The following HECW2 variants were observed in gnomAD, a reference collection of about 807,000 sequenced individuals.
HECW2 encodes the protein E3 ubiquitin-protein ligase HECW2.
Under a neutral mutation model 175.2 loss-of-function variants are expected in HECW2, and 61 were observed. The observed-to-expected ratio is 0.35, with a 90% CI of 0.28 to 0.43. The LOEUF (loss-of-function observed/expected upper bound fraction) is 0.43, where lower values mean the gene tolerates loss of function less well. Ranked by LOEUF, HECW2 falls within the 20% of genes least tolerant of loss-of-function variation. HECW2 has a pLI of 1.00. For missense variants in HECW2, 1,524 were observed against 2,000.5 expected, an observed-to-expected ratio of 0.76 and a Z score of 4.54; for synonymous variants, 671 against 731.0, an observed-to-expected ratio of 0.92 and a Z score of 1.32.
chr2:196,529,534 A>T (rs1688774879), intron 1 of HECW2, among the ~76,000 whole-genome samples: 1 of 152,200 alleles, frequency 6.6e-6, no homozygotes, highest in African/African-American at 2.4e-5. Context: ...ATAAGGATTT[A>T]AAAAATTAAC....
chr2:196,498,136 A>G (rs1232063910), intron 1 of HECW2, among the ~76,000 whole-genome samples: 1 of 152,140 alleles, frequency 6.6e-6, no homozygotes, highest in Non-Finnish European at 1.5e-5. Context: ...TACAGCACCA[A>G]CTAACCAGTA....
chr2:196,579,775 GAT>G (rs1690702814), intron 1 of HECW2, among the ~76,000 whole-genome samples: 1 of 152,088 alleles, frequency 6.6e-6, no homozygotes, highest in East Asian at 1.9e-4. Context: ...CTGACACACA[GAT>G]AGACACCAGG....
intron 17 of HECW2, among the ~76,000 whole-genome samples, chr2:196,265,811 C>T (rs13396680): frequency 0.22 from 34,143 of 152,012 alleles, 6,045 homozygotes; most frequent in African/African-American, 0.48. Flanking sequence ...ATTTTACAGA[C>T]GAGGATGACA....
At chr2:196,580,909 CTGAT>C (rs1690754610) in intron 1 of HECW2, among the ~76,000 whole-genome samples, 1 of 152,098 alleles carries the variant, frequency 6.6e-6, no homozygotes, top group Admixed American at 6.6e-5. Flanking sequence ...TGTCCATCAA[CTGAT>C]GGATGGATAA....
intron 1 of HECW2, among the ~76,000 whole-genome samples, chr2:196,542,796 TAC>T (rs1370611415): frequency 6.7e-6 from 1 of 150,274 alleles, no homozygotes; most frequent in Admixed American, 6.7e-5. Context: ...GATACATGGA[TAC>T]ACAGAGAAAG....
chr2:196,491,365 T>TAC (rs757194604), intron 1 of HECW2, among the ~76,000 whole-genome samples: 6,487 of 100,660 alleles, frequency 0.064, 178 homozygotes, highest in Middle Eastern at 0.089. Context: ...AAATCATATA[T>TAC]ATATACACAC....
intron 1 of HECW2, among the ~76,000 whole-genome samples, chr2:196,436,355 T>C (rs7592108): frequency 0.95 from 141,122 of 149,124 alleles, 66,882 homozygotes; most frequent in East Asian, 1. Context: ...GAGCAGAGAT[T>C]GCACCACTGG....
At chr2:196,410,569 C>A (rs1695083069) in intron 2 of HECW2, among the ~76,000 whole-genome samples, 1 of 152,104 alleles carries the variant, frequency 6.6e-6, no homozygotes, top group Non-Finnish European at 1.5e-5. Flanking sequence ...GAAAACAATT[C>A]TTAAAGCTCC....
At chr2:196,264,146 A>G (rs908173527) in intron 17 of HECW2, 8 of 152,184 alleles carry the variant, frequency 5.3e-5, no homozygotes, top group Non-Finnish European at 8.8e-5. Context: ...TGGGCAATTT[A>G]TTTAAATATA....
chr2:196,513,735 G>T (rs1688043802), intron 1 of HECW2, among the ~76,000 whole-genome samples: 1 of 152,234 alleles, frequency 6.6e-6, no homozygotes, highest in Non-Finnish European at 1.5e-5. Context: ...AGTCACATGT[G>T]AAGAGACAGA....
chr2:196,431,144 C>T (rs1424443042), intron 2 of HECW2, among the ~76,000 whole-genome samples: 1 of 152,152 alleles, frequency 6.6e-6, no homozygotes, highest in South Asian at 2.1e-4. Flanking sequence ...GAAGAGTTAT[C>T]ATTTTTCAAA....
At chr2:196,390,160 T>C (rs13390285) in intron 2 of HECW2, among the ~76,000 whole-genome samples, 28,947 of 152,050 alleles carry the variant, frequency 0.19, 3,873 homozygotes, top group African/African-American at 0.38. Flanking sequence ...GACCCTATTA[T>C]GATATCCATT....
intron 1 of HECW2, among the ~76,000 whole-genome samples, chr2:196,533,712 C>T (rs1226386618): frequency 6.6e-6 from 1 of 152,098 alleles, no homozygotes; most frequent in Admixed American, 6.5e-5. Flanking sequence ...TTAAACTAGC[C>T]TGACTTTTTT....
At chr2:196,488,328 C>G (rs539084106) in intron 1 of HECW2, among the ~76,000 whole-genome samples, 1 of 152,262 alleles carries the variant, frequency 6.6e-6, no homozygotes, top group Admixed American at 6.5e-5. Flanking sequence ...AATATTTCCA[C>G]CCACATGTAA....
chr2:196,306,743 A>G (rs573202203), intron 12 of HECW2, 131 bp from the exon 13 acceptor site: 39 of 922,796 alleles, frequency 4.2e-5, no homozygotes, highest in Non-Finnish European at 5.5e-5. Context: ...TAATCCCCCA[A>G]TGCTTTTTTC....
intron 1 of HECW2, among the ~76,000 whole-genome samples, chr2:196,498,071 G>C (rs777851106): frequency 3.9e-5 from 6 of 152,148 alleles, no homozygotes; most frequent in African/African-American, 1.4e-4. Context: ...CCTTTTGAGA[G>C]TTGATTTTTC....
chr2:196,309,375 T>C (rs1387785876), intron 10 of HECW2, among the ~76,000 whole-genome samples: 5 of 152,216 alleles, frequency 3.3e-5, no homozygotes, highest in African/African-American at 2.4e-5. Context: ...ATGCCATTCA[T>C]GTTCCAAGGT....
chr2:196,268,665 G>C (rs1400463367), intron 17 of HECW2, among the ~76,000 whole-genome samples: 1 of 152,216 alleles, frequency 6.6e-6, no homozygotes, highest in East Asian at 1.9e-4. Context: ...GTGGAACGCA[G>C]AGAAAAAGTG....
chr2:196,369,342 G>GTCTCTC (rs71410611), intron 2 of HECW2, among the ~76,000 whole-genome samples: 2,810 of 131,426 alleles, frequency 0.021, 72 homozygotes, highest in Middle Eastern at 0.056. Flanking sequence ...AACAAATGGA[G>GTCTCTC]TCTCTCTCTC....
Sources: allele counts gnomAD v4.1 joint callset (sites outside exome capture counted in the v4.1 genomes callset), GRCh38; gene constraint gnomAD v4.1.1; transcripts MANE v1.5; gene names NCBI Gene and HGNC (gene_info 2026-07-23, HGNC 2026-07-21).